Variants in METAP1D observed in about 807,000 individuals in gnomAD.
METAP1D encodes methionyl aminopeptidase type 1D, mitochondrial.
Under a neutral mutation model 40.5 loss-of-function variants are expected in METAP1D, and 31 were observed. The observed-to-expected ratio is 0.77, with a 90% CI of 0.58 to 1.03. The LOEUF is 1.03. Ranked by LOEUF, METAP1D falls within the 50% of genes least tolerant of loss-of-function variation. The pLI is 0.00. For missense variants in METAP1D, 411 were observed against 420.7 expected (o/e 0.98, Z 0.20); for synonymous variants, 151 against 146.4 (o/e 1.03, Z -0.22).
At chr2:172,020,017 A>G (rs1688968677) in intron 1 of METAP1D, among the ~76,000 whole-genome samples, 1 of 152,138 alleles carries the variant, frequency 6.6e-6, no homozygotes, top group South Asian at 2.1e-4. Flanking sequence ...TTTTTAGACA[A>G]GAGTCTTGCT....
intron 1 of METAP1D, among the ~76,000 whole-genome samples, chr2:172,023,337 C>T (rs576663802): frequency 2.6e-5 from 4 of 152,258 alleles, no homozygotes; most frequent in South Asian, 4.1e-4. Flanking sequence ...GTTTTCATAT[C>T]ATGTTAATGT....
rs1690714487 is a variant in METAP1D at position 172,081,459 on chromosome 2, C to G, written c.*1053C>G. The G allele has an allele frequency of 6.6e-6, 1 of 152,292 alleles. No individual in the cohort carries two copies. Among genetic ancestry groups the G allele is most frequent in the South Asian group, 2.1e-4 (1 of 4,834 alleles). The allele number at this position is 152,292 out of a possible 1,614,324, so 9.4% of individuals were successfully genotyped here. On this transcript the variant is annotated 3_prime_UTR_variant, in exon 10 of 10. Coordinates refer to ENST00000315796, the MANE Select transcript of METAP1D (RefSeq NM_199227.3). ...GGGACTGAAGCTTGCGAGTTGAGCT[C>G]CAGTTCGGCCGGCAGTTCCATCCCG...
At position 172,080,573 on chromosome 2, in the gene METAP1D, C is replaced by A; in HGVS notation, c.*167C>A. The stretch of plus-strand genomic sequence containing the variant: ...GGGGAGACTGAAGAGCAACTGGGAA[C>A]TCGGATCTGAAGCCCTGCTGGGGTC... On this transcript the variant is annotated 3_prime_UTR_variant, in exon 10 of 10. Coordinates refer to ENST00000315796, the MANE Select transcript of METAP1D (RefSeq NM_199227.3). The A allele has an allele frequency of 1.4e-6, 1 of 693,672 alleles. No homozygotes were observed. The highest frequency in any genetic ancestry group is 2.4e-6 in the Non-Finnish European group (1 of 409,960). 43.0% of individuals were successfully genotyped at this position (693,672 alleles called of 1,614,324 possible).
intron 1 of METAP1D, among the ~76,000 whole-genome samples, chr2:172,011,919 C>G (rs1440461197): frequency 1.3e-5 from 2 of 152,176 alleles, no homozygotes; most frequent in African/African-American, 4.8e-5. Flanking sequence ...CAGAGGGAAG[C>G]AAAGAAACTG....
chr2:172,075,967 G>T (rs1048242179), intron 6 of METAP1D, among the ~76,000 whole-genome samples: 2 of 152,174 alleles, frequency 1.3e-5, no homozygotes, highest in Non-Finnish European at 1.5e-5. Flanking sequence ...GTAAATTGTT[G>T]TAGGAGAATG....
chr2:172,069,278 TA>T (rs1013408455), intron 5 of METAP1D, among the ~76,000 whole-genome samples: 3 of 152,352 alleles, frequency 2.0e-5, no homozygotes, highest in African/African-American at 2.4e-5. Flanking sequence ...TTTAAAATAG[TA>T]CATTTTTACT....
intron 1 of METAP1D, among the ~76,000 whole-genome samples, chr2:172,004,451 G>A (rs1266227447): frequency 5.3e-5 from 8 of 152,022 alleles, no homozygotes; most frequent in Non-Finnish European, 8.8e-5. Flanking sequence ...AGCCTCTTGA[G>A]TAGTGGGAAT....
rs150153519 is a variant in METAP1D at position 172,066,257 on chromosome 2, G to A, written c.498-7G>A. 5.4e-4 allele frequency: 862 copies of A among 1,600,932 alleles called. 3 individuals are homozygous for A. In the African/African-American group the frequency reaches 8.8e-3, roughly 16 times the overall value. Reference sequence around the variant, plus strand: ...TATCACCATTTTTTTTTCTGTTTACGTTTTAGTCGACCTCTTCAGGATGGA... The same window carrying A: ...TATCACCATTTTTTTTTCTGTTTACATTTTAGTCGACCTCTTCAGGATGGA... On this transcript the variant is annotated splice_polypyrimidine_tract_variant and splice_region_variant and intron_variant, in intron 4 of 9. Transcript: ENST00000315796.
chr2:172,080,114 T>G lies in METAP1D; in HGVS notation c.851-14T>G. 6.2e-7 allele frequency: 1 copy of G among 1,609,642 alleles called. No homozygotes were observed. Among genetic ancestry groups the G allele is most frequent in the South Asian group, 1.1e-5 (1 of 90,736 alleles). On this transcript the variant is annotated splice_polypyrimidine_tract_variant and intron_variant, in intron 8 of 9. Transcript: ENST00000315796. ...CTGATGAGGTCACTGCAGTAAATAT[T>G]TTTCCTCTTACAGAGCCAATCATCA... is the stretch of plus-strand genomic sequence containing the variant.
intron 1 of METAP1D, among the ~76,000 whole-genome samples, chr2:172,006,479 G>A (rs1461764581): frequency 6.6e-6 from 1 of 152,110 alleles, no homozygotes; most frequent in Admixed American, 6.6e-5. Context: ...CACTGCGCCT[G>A]GCCAATATTT....
chr2:172,049,965 T>C (rs1689852366), intron 1 of METAP1D, among the ~76,000 whole-genome samples: 1 of 152,228 alleles, frequency 6.6e-6, no homozygotes, highest in Non-Finnish European at 1.5e-5. Flanking sequence ...TTCTATCCCA[T>C]GCCTTTCACT....
chr2:172,016,630 A>G (rs1395509305), intron 1 of METAP1D, among the ~76,000 whole-genome samples: 2 of 150,670 alleles, frequency 1.3e-5, no homozygotes, highest in Non-Finnish European at 3.0e-5. Flanking sequence ...CCACCCCCCC[A>G]AAAAAGAAAG....
At chr2:172,078,027 G>A (rs1288081896) in intron 7 of METAP1D, 133 bp downstream of exon 7, 7 of 499,126 alleles carry the variant, frequency 1.4e-5, no homozygotes, top group Middle Eastern at 3.0e-4. Flanking sequence ...TGTGCAGGGG[G>A]CAGGGGAGGG....
At position 172,033,645 on chromosome 2, in the gene METAP1D, C is replaced by T. The variant is rs112182677; in HGVS notation, c.41-27853C>T. Among the ~76,000 whole-genome samples, 10 of 151,968 alleles carry T rather than the reference C, an allele frequency of 6.6e-5. No homozygotes were observed. The South Asian group carries it at 1.5e-3, about 22-fold the overall frequency. Reference sequence around the variant, plus strand: ...TGCAGGGATTACAGGTGTGAGCCACCGGGCCCAGCCCATTTGTTTAATTTA... The same window carrying T: ...TGCAGGGATTACAGGTGTGAGCCACTGGGCCCAGCCCATTTGTTTAATTTA... On this transcript the variant is annotated intron_variant, in intron 1 of 9. Transcript: ENST00000315796.
intron 3 of METAP1D, chr2:172,064,078 C>T: frequency 1.9e-6 from 1 of 523,408 alleles, no homozygotes; most frequent in Non-Finnish European, 2.9e-6. Context: ...ATTTAAAATC[C>T]AAATTCAATT....
At chr2:172,017,045 G>GGCCCC (rs1688883578) in intron 1 of METAP1D, among the ~76,000 whole-genome samples, 1 of 151,954 alleles carries the variant, frequency 6.6e-6, no homozygotes, top group Admixed American at 6.6e-5. Flanking sequence ...TCTTTGTAAC[G>GGCCCC]TATATCACAT....
At chr2:172,035,578 T>C (rs188581376) in intron 1 of METAP1D, among the ~76,000 whole-genome samples, 23 of 152,306 alleles carry the variant, frequency 1.5e-4, no homozygotes, top group African/African-American at 4.3e-4. Flanking sequence ...ATCCTGACTT[T>C]AGTAGTATTC....
rs1326683779 is a variant in METAP1D at position 172,057,327 on chromosome 2, TATA to T, written c.41-4167_41-4165del. 3.9e-5 allele frequency among the ~76,000 whole-genome samples: 6 copies of T among 152,318 alleles called. No individual in the cohort carries two copies. The East Asian group carries it at 1.2e-3, about 29-fold the overall frequency. Reference sequence around the variant, plus strand: ...TAGCATTATCATTATTAATAGTAATTATAATACTTTCCTCAGAAGAGAAACACT... The same window carrying T: ...TAGCATTATCATTATTAATAGTAATTATACTTTCCTCAGAAGAGAAACACT... On this transcript the variant is annotated intron_variant, in intron 1 of 9. Transcript: ENST00000315796.
At position 172,082,222 on chromosome 2, in the gene METAP1D, T is replaced by A. The variant is rs1690735578; in HGVS notation, c.*1816T>A. The A allele has an allele frequency of 6.6e-6, 1 of 152,034 alleles. No individual in the cohort carries two copies. The highest frequency in any genetic ancestry group is 2.1e-4 in the South Asian group (1 of 4,818). 9.4% of individuals were successfully genotyped at this position (152,034 alleles called of 1,614,324 possible). ...ATGTTTGCTGGAGAATGACTTCAGT[T>A]TTCTCCTAAGGCAATCAGATTGCAA... On this transcript the variant is annotated 3_prime_UTR_variant, in exon 10 of 10. Transcript: ENST00000315796.
Sources: allele counts gnomAD v4.1 joint callset (sites outside exome capture counted in the v4.1 genomes callset), GRCh38; gene constraint gnomAD v4.1.1; transcripts MANE v1.5; gene names NCBI Gene and HGNC (gene_info 2026-07-23, HGNC 2026-07-21).